SLC2A9: variants seen among roughly 807,000 people sequenced by gnomAD.
SLC2A9 encodes the protein solute carrier family 2 member 9.
In SLC2A9, 39 loss-of-function variants were observed where a neutral mutation model predicts 50.6. The ratio of observed to expected loss-of-function variants is 0.77; its 90% CI spans 0.60 to 1.01. The LOEUF is 1.01. Ranked by LOEUF, SLC2A9 falls within the 50% of genes least tolerant of loss-of-function variation. The pLI, the probability that SLC2A9 is intolerant of heterozygous loss-of-function variation, is 0.00. For synonymous variants in SLC2A9, 324 were observed against 276.9 expected (o/e 1.17, Z -1.69); for missense variants, 686 against 677.6 (o/e 1.01, Z -0.14).
chr4:9,892,217 G>A (rs1392656314), intron 8 of SLC2A9, among the ~76,000 whole-genome samples: 1 of 152,244 alleles, frequency 6.6e-6, no homozygotes, highest in Non-Finnish European at 1.5e-5. Flanking sequence ...TGGGTCAGCT[G>A]AGCACCCCGG....
chr4:9,830,681 G>T (rs867469173), intron 11 of SLC2A9, among the ~76,000 whole-genome samples: 1 of 152,152 alleles, frequency 6.6e-6, no homozygotes, highest in Admixed American at 6.5e-5. Context: ...TTTATAACTT[G>T]AGTAGAATCA....
At chr4:9,879,532 C>G in intron 10 of SLC2A9, 2 of 985,284 alleles carry the variant, frequency 2.0e-6, no homozygotes, top group Non-Finnish European at 2.4e-6. Context: ...AATGCTGATA[C>G]GCCCCTGCAG....
intron 5 of SLC2A9, among the ~76,000 whole-genome samples, chr4:9,971,766 A>C (rs1281552391): frequency 6.6e-6 from 1 of 152,250 alleles, no homozygotes; most frequent in Non-Finnish European, 1.5e-5. Flanking sequence ...AACCCCTGAA[A>C]AATAAAGCTA....
intron 3 of SLC2A9, among the ~76,000 whole-genome samples, chr4:9,995,275 C>T (rs1025161709): frequency 2.6e-5 from 4 of 152,090 alleles, no homozygotes; most frequent in African/African-American, 9.7e-5. Context: ...ATTTCCAGGC[C>T]CTGAATTCCC....
At chr4:9,835,740 A>T (rs542599591) in intron 10 of SLC2A9, among the ~76,000 whole-genome samples, 1 of 152,304 alleles carries the variant, frequency 6.6e-6, no homozygotes, top group East Asian at 1.9e-4. Context: ...CAAACATCGT[A>T]TGTTGTCACT....
chr4:10,016,451 G>A (rs375482913), intron 2 of SLC2A9, among the ~76,000 whole-genome samples: 1 of 152,154 alleles, frequency 6.6e-6, no homozygotes, highest in South Asian at 2.1e-4. Context: ...ACATGGAGGA[G>A]GGCCGGCACC....
chr4:9,895,596 C>A (rs184813520), intron 8 of SLC2A9, among the ~76,000 whole-genome samples: 46 of 152,320 alleles, frequency 3.0e-4, no homozygotes, highest in South Asian at 6.2e-4. Flanking sequence ...AGCCATTCAC[C>A]CAGCACCCAG....
chr4:9,879,819 C>G (rs1487994696), intron 10 of SLC2A9: 14 of 985,280 alleles, frequency 1.4e-5, no homozygotes, highest in Non-Finnish European at 1.7e-5. Context: ...AAAGGTGAAG[C>G]TCTTTTATTT....
intron 10 of SLC2A9, among the ~76,000 whole-genome samples, chr4:9,875,704 C>T (rs1734205207): frequency 6.6e-6 from 1 of 152,240 alleles, no homozygotes; most frequent in African/African-American, 2.4e-5. Context: ...TGAGTCTCAA[C>T]TTCCTCTATC....
intron 1 of SLC2A9, chr4:10,034,278 A>G (rs979233166): frequency 6.6e-6 from 1 of 152,250 alleles, no homozygotes; most frequent in African/African-American, 2.4e-5. Flanking sequence ...ACATGAGCGC[A>G]CCCACGCAAG....
At chr4:9,782,109 T>TG (rs1718494478) in intron 3 of SLC2A9, 4 of 1,546,104 alleles carry the variant, frequency 2.6e-6, no homozygotes, top group African/African-American at 2.7e-5. Context: ...GGGAACGCCG[T>TG]GGGGGGCTCG....
upstream of SLC2A9, among the ~76,000 whole-genome samples, chr4:10,023,668 GCCAC>G (rs1763658446): frequency 6.6e-6 from 1 of 152,246 alleles, no homozygotes. Context: ...GTTCCTGGTA[GCCAC>G]AGCACTTGCC....
intron 2 of SLC2A9, among the ~76,000 whole-genome samples, chr4:10,005,418 A>T (rs1467741414): frequency 6.6e-6 from 1 of 152,244 alleles, no homozygotes; most frequent in Non-Finnish European, 1.5e-5. Context: ...AGGAGTCTAC[A>T]CAAAATTCCA....
upstream of SLC2A9, among the ~76,000 whole-genome samples, chr4:10,024,258 G>T (rs186364001): frequency 6.6e-6 from 1 of 152,284 alleles, no homozygotes; most frequent in Non-Finnish European, 1.5e-5. Context: ...GGCAGGGATG[G>T]TGTGCGTCTC....
At chr4:9,829,249 C>T (rs1344471550) in intron 11 of SLC2A9, among the ~76,000 whole-genome samples, 1 of 152,028 alleles carries the variant, frequency 6.6e-6, no homozygotes, top group Non-Finnish European at 1.5e-5. Context: ...ACTAAAATTA[C>T]AAAAATTAGC....
intron 5 of SLC2A9, among the ~76,000 whole-genome samples, chr4:9,963,559 T>C (rs950097774): frequency 1.2e-4 from 18 of 152,160 alleles, no homozygotes; most frequent in African/African-American, 4.3e-4. Context: ...AAAGCAAGTC[T>C]GTGAGAGAGG....
chr4:10,021,917 G>T (rs1763539050), upstream of SLC2A9, among the ~76,000 whole-genome samples: 1 of 150,360 alleles, frequency 6.7e-6, no homozygotes, highest in African/African-American at 2.5e-5. Flanking sequence ...TCTGCTCACT[G>T]CAACCTCCGC....
chr4:10,032,165 A>G (rs1578392475), intron 1 of SLC2A9, among the ~76,000 whole-genome samples: 2 of 152,314 alleles, frequency 1.3e-5, no homozygotes, highest in South Asian at 4.1e-4. Flanking sequence ...ACACACTTAA[A>G]TTGACGTTCA....
At chr4:9,823,336 T>C (rs1212822001), downstream of SLC2A9, among the ~76,000 whole-genome samples, 6 of 152,204 alleles carry the variant, frequency 3.9e-5, no homozygotes, top group Non-Finnish European at 5.9e-5. Flanking sequence ...CTGGTACCTT[T>C]CAGCCAAGAA....
Sources: gnomAD v4.1 joint callset for allele counts (sites outside exome capture counted in the v4.1 genomes callset) on GRCh38, gnomAD v4.1.1 for gene constraint, MANE v1.5 for transcripts, NCBI Gene and HGNC (gene_info 2026-07-23, HGNC 2026-07-21) for gene names.